The following DOCK9 variants were observed in gnomAD, a reference collection of about 807,000 sequenced individuals.
DOCK9 encodes dedicator of cytokinesis 9.
Under a neutral mutation model 263.3 loss-of-function variants are expected in DOCK9, and 89 were observed. That is an observed-to-expected ratio of 0.34 (90% confidence interval 0.28 to 0.40). DOCK9 has a LOEUF of 0.40. Among genes scored for constraint, DOCK9 ranks in the 10% least tolerant of loss-of-function variants. The pLI is 1.00. For synonymous variants in DOCK9, 976 were observed against 973.1 expected, an observed-to-expected ratio of 1.00 and a Z score of -0.06; for missense variants, 2,140 against 2,603.4, an observed-to-expected ratio of 0.82 and a Z score of 3.87.
intron 1 of DOCK9, among the ~76,000 whole-genome samples, chr13:99,051,089 G>A (rs930034031): frequency 2.0e-5 from 3 of 152,150 alleles, no homozygotes; most frequent in African/African-American, 7.2e-5. Context: ...GCAATAAAGG[G>A]CTGTGCGAGC....
In DOCK9 at chr13:98,884,986, C is replaced by T. The variant is rs1399204367; in HGVS notation, c.2367G>A (p.Glu789=). 6 of 1,613,414 alleles carry T rather than the reference C, an allele frequency of 3.7e-6. No individual in the cohort carries two copies. Among genetic ancestry groups the T allele is most frequent in the East Asian group, 2.2e-5 (1 of 44,874 alleles). ...TGGGACATACCCTGCCCATCCCAAG[C>T]TCCTGGTAGCCAAGATAGCCCGAAG... is the stretch of plus-strand genomic sequence containing the variant. The part of the protein sequence containing the change: ...NLPSGYLGYQ[E]LGMGRHYGPE... The change falls in exon 21 of 53, where the codon GAG becomes GAA. Residue 789 remains glutamate (E), a synonymous_variant. Transcript: ENST00000682017.
Position 98,829,362 on chromosome 13 carries a change from T to G in DOCK9, c.4910A>C (p.Lys1637Thr). ...CCTGGCCATGCTGTCGAGCCACGTC[T>G]TCCTGAGCTCGGGCGTGCTGGCATA... is the stretch of plus-strand genomic sequence containing the variant. ...KSYASTPELR[K>T]TWLDSMARIH... The change falls in exon 43 of 53, where the codon AAG becomes ACG. Residue 1637 changes from lysine to threonine, a missense_variant. Around this residue, in one of 2 missense-constraint regions of DOCK9, gnomAD observed 619 missense variants for 861.8 expected, o/e 0.72. Coordinates refer to ENST00000682017, the MANE Select transcript of DOCK9 (RefSeq NM_001366683.2). This position sits in a 1 kb window ranked among gnomAD's most constrained non-coding sequence, Gnocchi z 4.1. 1 of 1,613,768 alleles carries G rather than the reference T, an allele frequency of 6.2e-7. No homozygotes were observed. The highest frequency in any genetic ancestry group is 8.5e-7 in the Non-Finnish European group (1 of 1,179,824).
intron 2 of DOCK9, among the ~76,000 whole-genome samples, chr13:98,934,391 A>G: frequency 6.6e-6 from 1 of 152,166 alleles, no homozygotes; most frequent in Admixed American, 6.5e-5. Flanking sequence ...AGATACTACA[A>G]TGTGAGTGAA....
rs2092695776 is a variant in DOCK9, at chr13:98,829,952, T to C, written c.4636-196A>G. On this transcript the variant is annotated intron_variant, in intron 41 of 52. Transcript: ENST00000682017. This position sits in a 1 kb window ranked among gnomAD's most constrained non-coding sequence, Gnocchi z 4.1. ...CTTTAAGAATAATTACAGAAAGTGA[T>C]TCTGCTATCCTTAAAAAACACTGTT... Among the ~76,000 whole-genome samples, 1 of 152,200 alleles carries C rather than the reference T, an allele frequency of 6.6e-6. No individual in the cohort carries two copies. The highest frequency in any genetic ancestry group is 6.5e-5 in the Admixed American group (1 of 15,280).
At chr13:98,816,874 A>G (rs1315183779) in intron 45 of DOCK9, among the ~76,000 whole-genome samples, 3 of 152,074 alleles carry the variant, frequency 2.0e-5, no homozygotes, top group South Asian at 4.1e-4. Context: ...AATCGCAATC[A>G]GAGTGATAAG....
At chr13:98,898,057 T>C (rs1595098903) in intron 14 of DOCK9, 122 bp downstream of exon 14, 1 of 706,322 alleles carries the variant, frequency 1.4e-6, no homozygotes, top group African/African-American at 1.8e-5. Flanking sequence ...TCTGGGCTTA[T>C]GTATTTCTCA....
intron 48 of DOCK9, among the ~76,000 whole-genome samples, 192 bp from the exon 49 acceptor site, chr13:98,805,401 A>G (rs950918775): frequency 6.6e-6 from 1 of 152,162 alleles, no homozygotes; most frequent in African/African-American, 2.4e-5. Flanking sequence ...ATACATACAC[A>G]TACACTTATG....
rs76065854 is a variant in DOCK9, at chr13:99,085,005, G to C, written c.129+1218C>G. On this transcript the variant is annotated intron_variant, in intron 1 of 32. Coordinates refer to the DOCK9 transcript ENST00000427887. ...TCCTTGTTTACTATGGATCAAACTG[G>C]AGTTGGAGAAATTTGGAGTTGGCAG... 8.4e-3 allele frequency among the ~76,000 whole-genome samples: 1,285 copies of C among 152,316 alleles called. 10 individuals are homozygous for C. Among genetic ancestry groups the C allele is most frequent in the Middle Eastern group, 0.027 (8 of 294 alleles).
At chr13:99,078,312 G>A (rs2041993408) in intron 1 of DOCK9, among the ~76,000 whole-genome samples, 1 of 152,120 alleles carries the variant, frequency 6.6e-6, no homozygotes. Context: ...ATAAACCAGT[G>A]GTGGAGAAGA....
chr13:98,912,634 A>C (rs1595242790), intron 9 of DOCK9, among the ~76,000 whole-genome samples: 1 of 152,042 alleles, frequency 6.6e-6, no homozygotes, highest in South Asian at 2.1e-4. Flanking sequence ...TATCTTAAAA[A>C]ATCTCCCTAG....
intron 4 of DOCK9, among the ~76,000 whole-genome samples, chr13:98,924,678 T>C (rs1270398529): frequency 1.3e-5 from 2 of 152,170 alleles, no homozygotes; most frequent in Non-Finnish European, 2.9e-5. Flanking sequence ...GTTGCTGAAA[T>C]GGATTAGTAC....
chr13:98,796,191 T>G (rs1182283841), intron 52 of DOCK9: 3 of 1,573,910 alleles, frequency 1.9e-6, no homozygotes, highest in Non-Finnish European at 2.6e-6. Flanking sequence ...AAATAATGTT[T>G]AAAAATGACA....
At chr13:98,905,541 C>A (rs747149661) in intron 9 of DOCK9, among the ~76,000 whole-genome samples, 1 of 151,816 alleles carries the variant, frequency 6.6e-6, no homozygotes, top group Non-Finnish European at 1.5e-5. Flanking sequence ...ACAAGTCACA[C>A]CTGAGCAATG....
intron 1 of DOCK9, among the ~76,000 whole-genome samples, chr13:99,007,133 T>C (rs1883482771): frequency 6.6e-6 from 1 of 152,104 alleles, no homozygotes; most frequent in African/African-American, 2.4e-5. Flanking sequence ...TTCACGCCTG[T>C]AATCCCAGCA....
At chr13:98,826,377 C>T (rs914574313) in intron 44 of DOCK9, among the ~76,000 whole-genome samples, 4 of 152,218 alleles carry the variant, frequency 2.6e-5, no homozygotes, top group African/African-American at 9.6e-5. Context: ...CTCGCCCCCT[C>T]TCCTTCCTCT....
At chr13:98,995,813 A>G (rs1880900627) in intron 1 of DOCK9, among the ~76,000 whole-genome samples, 4 of 152,088 alleles carry the variant, frequency 2.6e-5, no homozygotes, top group Admixed American at 6.6e-5. Context: ...ACATGGCTAG[A>G]AGGAGGAGTG....
intron 1 of DOCK9, among the ~76,000 whole-genome samples, chr13:99,033,331 A>G (rs1313955252): frequency 6.6e-6 from 1 of 152,250 alleles, no homozygotes; most frequent in African/African-American, 2.4e-5. Context: ...ATCAACCAGG[A>G]CCAATAAGTA....
intron 1 of DOCK9, among the ~76,000 whole-genome samples, chr13:99,038,707 G>A (rs148686083): frequency 0.028 from 4,191 of 152,230 alleles, 89 homozygotes; most frequent in Middle Eastern, 0.044. Context: ...GTTTTCCCAC[G>A]TGCCACTTAT....
At chr13:98,990,682 G>A (rs1372707315) in intron 1 of DOCK9, among the ~76,000 whole-genome samples, 1 of 152,164 alleles carries the variant, frequency 6.6e-6, no homozygotes, top group Non-Finnish European at 1.5e-5. Context: ...CAAAAATGAG[G>A]ACAGACAATC....
Sources: gnomAD v4.1 joint callset for allele counts (sites outside exome capture counted in the v4.1 genomes callset) on GRCh38, gnomAD v4.1.1 for gene constraint, gnomAD v4.1.1 regional missense constraint, Gnocchi (gnomAD v3.1) non-coding constraint, MANE v1.5 for transcripts, NCBI Gene and HGNC (gene_info 2026-07-23, HGNC 2026-07-21) for gene names.